Variants in OTOG observed in about 807,000 individuals in gnomAD.
OTOG encodes otogelin.
Under a neutral mutation model 313.8 loss-of-function variants are expected in OTOG, and 296 were observed. The observed-to-expected ratio is 0.94, with a 90% CI of 0.86 to 1.04. OTOG has a LOEUF of 1.04. Among genes scored for constraint, OTOG ranks in the 50% least tolerant of loss-of-function variants. The pLI, the probability that OTOG is intolerant of heterozygous loss-of-function variation, is 0.00. For missense variants in OTOG, 3,948 were observed against 3,840.1 expected, an observed-to-expected ratio of 1.03 and a Z score of -0.74; for synonymous variants, 1,533 against 1,554.9, an observed-to-expected ratio of 0.99 and a Z score of 0.33.
chr11:17,589,378 G>C (rs1043841944), intron 24 of OTOG, among the ~76,000 whole-genome samples: 1 of 151,992 alleles, frequency 6.6e-6, no homozygotes, highest in African/African-American at 2.4e-5. Context: ...CTGTTTCCCT[G>C]AGGAAATTAA....
At position 17,591,481 on chromosome 11, in the gene OTOG, C is replaced by T; in HGVS notation, c.2899C>T (p.Leu967=). The change falls in exon 25 of 56, where the codon CTG becomes TTG. Residue 967 remains leucine (L), a synonymous_variant. Coordinates refer to ENST00000399397, the MANE Select transcript of OTOG (RefSeq NM_001292063.2). ...VCQRGSFQCT[L]HPCASTCTAY... is the part of the protein sequence containing the mutation. Reference sequence around the variant, plus strand: ...CCAGCGGGGCTCATTCCAGTGCACCCTGCACCCTTGCGCCTCCACCTGCAC... The same window carrying T: ...CCAGCGGGGCTCATTCCAGTGCACCTTGCACCCTTGCGCCTCCACCTGCAC... 3 of 1,550,706 alleles carry T rather than the reference C, an allele frequency of 1.9e-6. No homozygotes were observed. The highest frequency in any genetic ancestry group is 2.6e-6 in the Non-Finnish European group (3 of 1,147,018).
chr11:17,610,246 C>T lies in OTOG; in HGVS notation c.4946C>T (p.Ala1649Val). Residue 1649 changes from alanine to valine, a missense_variant, in exon 36 of 56, where the codon GCT becomes GTT. Ala to Val is a moderately conservative substitution (Grantham distance 64). Coordinates refer to ENST00000399397, the MANE Select transcript of OTOG (RefSeq NM_001292063.2). ...GCAAGTCCCTCCTCCAGACCTGTGGCTTCCCCTGGAGCCATCTCCAGGTCC... is the reference window on the plus strand; with the variant it reads ...GCAAGTCCCTCCTCCAGACCTGTGGTTTCCCCTGGAGCCATCTCCAGGTCC... ...LTASPSSRPVASPGAISRSPT... is the reference protein window; with the variant it reads ...LTASPSSRPVVSPGAISRSPT... 1 of 1,550,568 alleles carries T rather than the reference C, an allele frequency of 6.4e-7. No individual in the cohort carries two copies. The highest frequency in any genetic ancestry group is 1.2e-5 in the South Asian group (1 of 84,042).
At chr11:17,555,305 C>T (rs909123753) in intron 6 of OTOG, among the ~76,000 whole-genome samples, 3 of 151,672 alleles carry the variant, frequency 2.0e-5, no homozygotes, top group African/African-American at 7.3e-5. Context: ...CTGCCAGGGG[C>T]ATGGGGGAAG....
At chr11:17,599,367 C>T (rs1853188829) in intron 30 of OTOG, among the ~76,000 whole-genome samples, 3 of 152,212 alleles carry the variant, frequency 2.0e-5, no homozygotes, top group African/African-American at 7.2e-5. Flanking sequence ...TCTTTGGCGC[C>T]ACACAAAATA....
intron 11 of OTOG, 141 bp downstream of exon 11, chr11:17,559,302 G>A (rs554563420): frequency 5.1e-5 from 47 of 929,620 alleles, no homozygotes; most frequent in South Asian, 3.8e-4. Flanking sequence ...TGAGAAAGAC[G>A]AAAAAACTGA....
chr11:17,555,567 T>C, intron 6 of OTOG: 1 of 472,526 alleles, frequency 2.1e-6, no homozygotes, highest in Non-Finnish European at 3.8e-6. Flanking sequence ...TGGGATTTCC[T>C]AGTTTTCTGT....
rs1306647562 is a variant in OTOG, at chr11:17,610,604, G to C, written c.5304G>C (p.Glu1768Asp). 1.2e-5 allele frequency: 18 copies of C among 1,550,440 alleles called. No homozygotes were observed. The change falls in exon 36 of 56, where the codon GAG becomes GAC. Residue 1768 changes from glutamate to aspartate, a missense_variant. By Grantham distance (45) the Glu-to-Asp change is conservative. Transcript: ENST00000399397. ...CCAGGTCTCCAGCTCTGCCCCCAGA[G>C]ACCCCAGCTGCCGCCAGCCTGTCAA... ...MATRSPALPP[E>D]TPAAASLSTA...
At chr11:17,624,171 G>A (rs1362065699) in intron 39 of OTOG, among the ~76,000 whole-genome samples, 1 of 152,052 alleles carries the variant, frequency 6.6e-6, no homozygotes, top group Non-Finnish European at 1.5e-5. Context: ...GATCCCATTT[G>A]TCAATTTTTG....
At chr11:17,561,538 T>C (rs535316508) in intron 14 of OTOG, 124 bp from the exon 15 acceptor site, 37 of 1,040,708 alleles carry the variant, frequency 3.6e-5, no homozygotes, top group Non-Finnish European at 4.2e-5. Context: ...GGGCCAGGCC[T>C]CATTCCTTAT....
chr11:17,555,211 G>A, intron 6 of OTOG, among the ~76,000 whole-genome samples: 1 of 148,520 alleles, frequency 6.7e-6, no homozygotes, highest in East Asian at 1.9e-4. Flanking sequence ...GCAGAGATGT[G>A]TGTGTGTGTG....
Position 17,558,318 on chromosome 11 carries a change from C to G in OTOG, c.996+3C>G. 1 of 1,550,738 alleles carries G rather than the reference C, an allele frequency of 6.4e-7. No individual in the cohort carries two copies. Among genetic ancestry groups the G allele is most frequent in the Non-Finnish European group, 8.7e-7 (1 of 1,146,968 alleles). ...AGCAGAACCCAGGAACCATGCAGGT[C>G]TGGAGCTTGGGGAGAAACTCCCCTA... is the stretch of plus-strand genomic sequence containing the variant. On this transcript the variant is annotated splice_donor_region_variant and intron_variant, in intron 9 of 55. Coordinates refer to ENST00000399397, the MANE Select transcript of OTOG (RefSeq NM_001292063.2).
Position 17,631,832 on chromosome 11 carries a change from C to A in OTOG, c.6843C>A (p.Thr2281=), listed in dbSNP as rs557563429. 6.5e-4 allele frequency: 1,004 copies of A among 1,550,626 alleles called. 7 individuals carry two copies. Among genetic ancestry groups the A allele is most frequent in the Non-Finnish European group, 2.2e-4 (252 of 1,147,008 alleles). ...GCTCCCTGACCTCAGTGGGCCAGAC[C>A]CGCTTCCGCCCAGACAGCTGCGCCA... ...VPSSLTSVGQ[T]RFRPDSCATT... Residue 2281 remains threonine (T), a synonymous_variant, in exon 41 of 56, where the codon ACC becomes ACA. Coordinates refer to ENST00000399397, the MANE Select transcript of OTOG (RefSeq NM_001292063.2).
intron 30 of OTOG, 63 bp from the exon 31 acceptor site, chr11:17,599,608 C>CTCTG (rs938766526): frequency 1.3e-6 from 2 of 1,530,288 alleles, no homozygotes; most frequent in South Asian, 2.4e-5. Context: ...GGAGCCTTGG[C>CTCTG]TCTGTCTGTC....
intron 15 of OTOG, among the ~76,000 whole-genome samples, chr11:17,567,933 A>G (rs1050334388): frequency 2.0e-5 from 2 of 99,408 alleles, no homozygotes; most frequent in Admixed American, 1.8e-4. Context: ...TTTGAGACAG[A>G]GTCCCGCTTT....
Position 17,615,544 on chromosome 11 carries a change from G to A in OTOG, c.6528+1843G>A, listed in dbSNP as rs889138091. Among the ~76,000 whole-genome samples the A allele has an allele frequency of 5.9e-5, 9 of 152,094 alleles. 1 individual carries two copies. The highest frequency in any genetic ancestry group is 1.3e-4 in the Non-Finnish European group (9 of 68,018). On this transcript the variant is annotated intron_variant, in intron 39 of 55. Transcript: ENST00000399397. The stretch of plus-strand genomic sequence containing the variant: ...GTAAATGGTACAAAGTATGAGTTGA[G>A]GTACATTTTTCAAATGTGAATACTC...
At chr11:17,594,301 C>T (rs188862491) in intron 28 of OTOG, 135 bp downstream of exon 28, 143 of 1,162,936 alleles carry the variant, frequency 1.2e-4, no homozygotes, top group Non-Finnish European at 1.6e-4. Flanking sequence ...CCTCTGACTG[C>T]ATCCCTAGCC....
Position 17,596,916 on chromosome 11 carries a change from CTG to C in OTOG, c.3594_3595del (p.Cys1198Ter). 6.4e-7 allele frequency: 1 copy of C among 1,550,880 alleles called. No individual in the cohort carries two copies. Among genetic ancestry groups the C allele is most frequent in the South Asian group, 1.2e-5 (1 of 84,058 alleles). On this transcript the variant is annotated frameshift_variant, in exon 30 of 56. Transcript: ENST00000399397. LOFTEE classifies it high-confidence loss of function. ...CATGTGGCTGCAGCCAGGGTGGTGA[CTG>C]TGAGTGCTTCTGTGCCAGCGTCTCC... ...DTCGCSQGGD[C>X]ECFCASVSAY...
intron 31 of OTOG, among the ~76,000 whole-genome samples, chr11:17,599,949 G>T (rs1159711603): frequency 6.6e-6 from 1 of 152,282 alleles, no homozygotes; most frequent in South Asian, 2.1e-4. Flanking sequence ...GACTGTGCTC[G>T]GCAGGGCAGC....
Position 17,576,598 on chromosome 11 carries a change from C to T in OTOG, c.2529C>T (p.Pro843=), listed in dbSNP as rs750249764. 3.5e-5 allele frequency: 55 copies of T among 1,550,410 alleles called. No homozygotes were observed. Among genetic ancestry groups the T allele is most frequent in the Middle Eastern group, 3.3e-4 (2 of 6,014 alleles). ...ACTTCCAGGGAGTGGACTATCCCCC[C>T]GGAGACAGTGACATCCCATCCCTGG... ...SCHFQGVDYP[P]GDSDIPSLGH... Residue 843 remains proline (P), a synonymous_variant, in exon 21 of 56, where the codon CCC becomes CCT. Coordinates refer to ENST00000399397, the MANE Select transcript of OTOG (RefSeq NM_001292063.2).
Sources: gnomAD v4.1 joint callset for allele counts (sites outside exome capture counted in the v4.1 genomes callset) on GRCh38, gnomAD v4.1.1 for gene constraint, MANE v1.5 for transcripts, NCBI Gene and HGNC (gene_info 2026-07-23, HGNC 2026-07-21) for gene names.